The following GULP1 variants were observed in gnomAD, a reference collection of about 807,000 sequenced individuals.
GULP1 encodes PTB domain-containing engulfment adapter protein 1.
Under a neutral mutation model 40.9 loss-of-function variants are expected in GULP1, and 19 were observed. That is an observed-to-expected ratio of 0.46 (90% CI 0.32 to 0.68). The LOEUF is 0.68. Ranked by LOEUF, GULP1 falls within the 30% of genes least tolerant of loss-of-function variation. GULP1 has a pLI of 0.03. For missense variants in GULP1, 312 were observed against 362.2 expected (o/e 0.86, Z 1.12); for synonymous variants, 119 against 117.6 (o/e 1.01, Z -0.08).
intron 7 of GULP1, among the ~76,000 whole-genome samples, chr2:188,565,017 A>G (rs1697303227): frequency 6.6e-6 from 1 of 151,942 alleles, no homozygotes; most frequent in African/African-American, 2.4e-5. Context: ...TATGAAAATT[A>G]TCTCCTACTT....
chr2:188,460,659 T>A (rs963734469), intron 2 of GULP1, among the ~76,000 whole-genome samples: 24 of 152,214 alleles, frequency 1.6e-4, no homozygotes, highest in African/African-American at 5.5e-4. Context: ...TCTTGTCTGA[T>A]TTCTCCAGCT....
intron 2 of GULP1, among the ~76,000 whole-genome samples, chr2:188,423,440 G>A (rs903538665): frequency 4.6e-5 from 7 of 151,818 alleles, no homozygotes; most frequent in African/African-American, 1.7e-4. Flanking sequence ...GCTACACAGT[G>A]CTGTTTATTA....
intron 4 of GULP1, chr2:188,491,703 G>T (rs1237825740): frequency 6.6e-6 from 1 of 152,060 alleles, no homozygotes; most frequent in African/African-American, 2.4e-5. Flanking sequence ...CTCTTCAGAA[G>T]ACAAACTAAG....
chr2:188,563,101 A>G (rs1028897336), intron 7 of GULP1, among the ~76,000 whole-genome samples: 1 of 152,120 alleles, frequency 6.6e-6, no homozygotes, highest in Non-Finnish European at 1.5e-5. Context: ...TAGTCCTGAC[A>G]TAAAGTTAAA....
At chr2:188,494,889 C>G (rs2062755828) in intron 4 of GULP1, among the ~76,000 whole-genome samples, 1 of 152,082 alleles carries the variant, frequency 6.6e-6, no homozygotes, top group East Asian at 1.9e-4. Context: ...ACAGACTCCA[C>G]TATACTTCCT....
At chr2:188,584,170 TTG>T in intron 9 of GULP1, 93 bp from the exon 10 acceptor site, 1 of 829,050 alleles carries the variant, frequency 1.2e-6, no homozygotes, top group Non-Finnish European at 1.8e-6. Context: ...GCAACTGAAA[TTG>T]TTGTTTACAT....
At chr2:188,331,768 A>G (rs903765355) in intron 1 of GULP1, among the ~76,000 whole-genome samples, 1 of 152,212 alleles carries the variant, frequency 6.6e-6, no homozygotes, top group Non-Finnish European at 1.5e-5. Flanking sequence ...GGGAAAATGG[A>G]CAAATTATAC....
intron 1 of GULP1, among the ~76,000 whole-genome samples, chr2:188,337,550 C>G (rs1164509595): frequency 3.3e-5 from 5 of 151,292 alleles, no homozygotes; most frequent in Admixed American, 2.0e-4. Flanking sequence ...AAAACAAGGC[C>G]CATGCAATAA....
chr2:188,349,728 A>G (rs1221547861), intron 1 of GULP1, among the ~76,000 whole-genome samples: 1 of 152,096 alleles, frequency 6.6e-6, no homozygotes, highest in African/African-American at 2.4e-5. Flanking sequence ...TTGATGATGT[A>G]TATATTTTAT....
At position 188,431,071 on chromosome 2, in the gene GULP1, A is replaced by G. The variant is rs372980725; in HGVS notation, c.-44-46588A>G. Among the ~76,000 whole-genome samples, 6 of 152,116 alleles carry G rather than the reference A, an allele frequency of 3.9e-5. No individual in the cohort carries two copies. In the East Asian group the frequency reaches 5.8e-4, roughly 15 times the overall value. On this transcript the variant is annotated intron_variant, in intron 2 of 11. Transcript: ENST00000409830. ...CTTTCTTCTGTAAACTCCCCCATAT[A>G]TACACCAAACAAATCTGCATACCTT...
chr2:188,498,196 C>A (rs2063086821), intron 4 of GULP1, among the ~76,000 whole-genome samples: 1 of 151,886 alleles, frequency 6.6e-6, no homozygotes, highest in Non-Finnish European at 1.5e-5. Context: ...CAGAACTTGA[C>A]ACTAAATTAG....
chr2:188,379,191 G>A (rs2048695836), intron 1 of GULP1, among the ~76,000 whole-genome samples: 1 of 152,010 alleles, frequency 6.6e-6, no homozygotes, highest in Non-Finnish European at 1.5e-5. Context: ...CACATGCAAT[G>A]GAAAGCATGG....
intron 7 of GULP1, among the ~76,000 whole-genome samples, chr2:188,549,709 T>G (rs1240230383): frequency 6.6e-6 from 1 of 151,800 alleles, no homozygotes; most frequent in Non-Finnish European, 1.5e-5. Context: ...TTATTCATAA[T>G]AGCCGAAAAC....
At chr2:188,392,830 T>A (rs72909573) in intron 2 of GULP1, among the ~76,000 whole-genome samples, 1,852 of 152,226 alleles carry the variant, frequency 0.012, 16 homozygotes, top group East Asian at 0.022. Context: ...TCCATCTTGA[T>A]CTTGTTATTA....
intron 1 of GULP1, among the ~76,000 whole-genome samples, chr2:188,334,420 A>G (rs1163440076): frequency 6.6e-6 from 1 of 152,126 alleles, no homozygotes; most frequent in African/African-American, 2.4e-5. Flanking sequence ...ACACATTGAA[A>G]CCACCTGAAA....
chr2:188,522,951 T>A, intron 5 of GULP1, 124 bp downstream of exon 5: 1 of 601,612 alleles, frequency 1.7e-6, no homozygotes, highest in East Asian at 2.8e-5. Flanking sequence ...AAAAATGAAC[T>A]ATTGAACAAA....
intron 2 of GULP1, among the ~76,000 whole-genome samples, chr2:188,465,811 C>T (rs2060062858): frequency 6.6e-6 from 1 of 152,104 alleles, no homozygotes; most frequent in Non-Finnish European, 1.5e-5. Flanking sequence ...ACCAGGCTGC[C>T]TCTCTGAGCA....
intron 1 of GULP1, among the ~76,000 whole-genome samples, chr2:188,352,649 C>CACACACACACACACACACAT (rs374718200): frequency 0.022 from 3,191 of 145,190 alleles, 48 homozygotes; most frequent in Middle Eastern, 0.058. Context: ...CACACACACA[C>CACACACACACACACACACAT]GGTTCTGTTT....
chr2:188,523,384 A>T (rs1235307052), intron 5 of GULP1, among the ~76,000 whole-genome samples: 1 of 152,182 alleles, frequency 6.6e-6, no homozygotes, highest in African/African-American at 2.4e-5. Context: ...GCAACCCCAC[A>T]TATCCTAGTC....
Sources: allele counts gnomAD v4.1 joint callset (sites outside exome capture counted in the v4.1 genomes callset), GRCh38; gene constraint gnomAD v4.1.1; transcripts MANE v1.5; gene names NCBI Gene and HGNC (gene_info 2026-07-23, HGNC 2026-07-21).